NCK2: variants seen among roughly 807,000 people sequenced by gnomAD.
The protein encoded by NCK2 is cytoplasmic protein NCK2.
Under a neutral mutation model 33.9 loss-of-function variants are expected in NCK2, and 16 were observed. That is an observed-to-expected ratio of 0.47 (90% CI 0.32 to 0.72). The LOEUF (loss-of-function observed/expected upper bound fraction) is 0.72. NCK2 is among the 30% of genes least tolerant of loss of function. The pLI is 0.03. For synonymous variants in NCK2, 273 were observed against 239.9 expected (o/e 1.14, Z -1.27); for missense variants, 418 against 537.3 (o/e 0.78, Z 2.19).
intron 1 of NCK2, among the ~76,000 whole-genome samples, chr2:105,810,077 C>T (rs901122109): frequency 1.3e-5 from 2 of 152,178 alleles, no homozygotes; most frequent in Admixed American, 6.5e-5. Flanking sequence ...CACATCCCCA[C>T]TCTTCATTCC....
At chr2:105,833,477 G>A (rs1390670496) in intron 2 of NCK2, among the ~76,000 whole-genome samples, 1 of 151,804 alleles carries the variant, frequency 6.6e-6, no homozygotes, top group Non-Finnish European at 1.5e-5. Flanking sequence ...CTAAGTTATT[G>A]GTGTATCATT....
In NCK2 at chr2:105,783,000, A is replaced by G. The variant is rs559536136; in HGVS notation, c.-200-33430A>G. 3.3e-5 allele frequency among the ~76,000 whole-genome samples: 5 copies of G among 152,298 alleles called. No individual in the cohort carries two copies. In the South Asian group the frequency reaches 6.2e-4, roughly 19 times the overall value. On this transcript the variant is annotated intron_variant, in intron 1 of 4. Transcript: ENST00000233154. ...CCATTTGCAGCTGAGTTGGTCGACT[A>G]TCATTTGCAACAGGTAAGCCTTAAG...
chr2:105,831,407 T>C (rs574078536), intron 2 of NCK2, among the ~76,000 whole-genome samples: 90 of 109,946 alleles, frequency 8.2e-4, no homozygotes, highest in African/African-American at 2.5e-3. Flanking sequence ...ATAAGCATGA[T>C]ATCTTTTTTT....
At chr2:105,748,197 C>T (rs1689351331) in intron 1 of NCK2, among the ~76,000 whole-genome samples, 2 of 152,132 alleles carry the variant, frequency 1.3e-5, no homozygotes, top group Admixed American at 6.5e-5. Context: ...CCTCTGTGTT[C>T]CCTCTCAACT....
intron 1 of NCK2, among the ~76,000 whole-genome samples, chr2:105,775,668 A>G (rs1404755243): frequency 1.3e-5 from 2 of 152,142 alleles, no homozygotes; most frequent in African/African-American, 2.4e-5. Flanking sequence ...GCTAATTACA[A>G]CTGTTTGAAA....
chr2:105,788,361 A>G (rs1690754519), intron 1 of NCK2, among the ~76,000 whole-genome samples: 1 of 152,172 alleles, frequency 6.6e-6, no homozygotes, highest in Admixed American at 6.5e-5. Flanking sequence ...CTCCATTTCT[A>G]TCAACGCCAT....
intron 2 of NCK2, chr2:105,846,634 T>TA (rs1028460496): frequency 3.3e-5 from 5 of 152,200 alleles, no homozygotes; most frequent in African/African-American, 1.2e-4. Flanking sequence ...ATGTATACGT[T>TA]ACACCCAATA....
chr2:105,786,806 C>T (rs1443342016), intron 1 of NCK2, among the ~76,000 whole-genome samples: 1 of 152,176 alleles, frequency 6.6e-6, no homozygotes, highest in Non-Finnish European at 1.5e-5. Flanking sequence ...GGGTTTGTTC[C>T]CCTCTGCCTC....
At chr2:105,869,068 C>T (rs1248872297) in intron 3 of NCK2, among the ~76,000 whole-genome samples, 1 of 152,196 alleles carries the variant, frequency 6.6e-6, no homozygotes, top group African/African-American at 2.4e-5. Context: ...GCCCCGCTGC[C>T]CACCCTTACC....
At chr2:105,759,883 A>C (rs1573559408) in intron 1 of NCK2, among the ~76,000 whole-genome samples, 1 of 152,130 alleles carries the variant, frequency 6.6e-6, no homozygotes, top group East Asian at 1.9e-4. Context: ...ATTAGTGTAG[A>C]GTTACCGGTT....
chr2:105,772,985 G>A (rs1167277141), intron 1 of NCK2, among the ~76,000 whole-genome samples: 2 of 150,442 alleles, frequency 1.3e-5, no homozygotes, highest in African/African-American at 4.9e-5. Flanking sequence ...TTGAACTCCT[G>A]GATTCAAGCA....
intron 2 of NCK2, among the ~76,000 whole-genome samples, chr2:105,838,699 G>C (rs948093905): frequency 1.3e-5 from 2 of 152,172 alleles, no homozygotes; most frequent in African/African-American, 4.8e-5. Context: ...TAGTTTGTAG[G>C]CATCTTGTAT....
chr2:105,772,643 A>C (rs1352618697), intron 1 of NCK2, among the ~76,000 whole-genome samples: 1 of 152,114 alleles, frequency 6.6e-6, no homozygotes, highest in African/African-American at 2.4e-5. Context: ...ACATGGGAAT[A>C]AGTCAATGAC....
At chr2:105,802,705 A>G (rs1297064009) in intron 1 of NCK2, among the ~76,000 whole-genome samples, 1 of 152,178 alleles carries the variant, frequency 6.6e-6, no homozygotes, top group Non-Finnish European at 1.5e-5. Context: ...CGATGCAGAC[A>G]CCTCCCTTAA....
Position 105,881,878 on chromosome 2 carries a change from T to C in NCK2, c.777T>C (p.Pro259=). The stretch of plus-strand genomic sequence containing the variant: ...ACGTGGTGGTCCTCAGTGACGGGCC[T>C]GCCCTGCACCCTGCGCACGCCCCAC... ...KNYVVVLSDG[P]ALHPAHAPQI... Residue 259 remains proline (P), a synonymous_variant, in exon 4 of 5, where the codon CCT becomes CCC. Coordinates refer to ENST00000233154, the MANE Select transcript of NCK2 (RefSeq NM_003581.5). The C allele has an allele frequency of 1.3e-6, 2 of 1,569,240 alleles. No individual in the cohort carries two copies. Among genetic ancestry groups the C allele is most frequent in the South Asian group, 2.4e-5 (2 of 83,956 alleles).
At chr2:105,880,656 G>T (rs745711187) in intron 3 of NCK2, among the ~76,000 whole-genome samples, 2 of 152,154 alleles carry the variant, frequency 1.3e-5, no homozygotes, top group Non-Finnish European at 2.9e-5. Flanking sequence ...TTCTAGGAAT[G>T]AAAAAGATAT....
chr2:105,891,728 G>A (rs1678995915), intron 4 of NCK2, among the ~76,000 whole-genome samples: 1 of 151,586 alleles, frequency 6.6e-6, no homozygotes, highest in Admixed American at 6.6e-5. Flanking sequence ...GTATTTTTTA[G>A]CAGAGATGAG....
chr2:105,777,171 C>T (rs747100896), intron 1 of NCK2, among the ~76,000 whole-genome samples: 82 of 152,082 alleles, frequency 5.4e-4, no homozygotes, highest in Non-Finnish European at 9.3e-4. Context: ...GGCACTCCAC[C>T]GATGGCAGCT....
Position 105,881,781 on chromosome 2 carries a change from A to T in NCK2, c.680A>T (p.Lys227Met). The T allele has an allele frequency of 6.2e-7, 1 of 1,614,034 alleles. No individual in the cohort carries two copies. Among genetic ancestry groups the T allele is most frequent in the Non-Finnish European group, 8.5e-7 (1 of 1,179,944 alleles). The stretch of plus-strand genomic sequence containing the variant: ...GGGGAGACCATGGAGGTGATTGAGA[A>T]GCCGGAGAACGACCCCGAGTGGTGG... ...EKGETMEVIE[K>M]PENDPEWWKC... The change falls in exon 4 of 5, where the codon AAG (lysine) becomes ATG (methionine). Residue 227 changes from lysine to methionine, a missense_variant. By Grantham distance (95) the Lys-to-Met change is moderately conservative. Coordinates refer to ENST00000233154, the MANE Select transcript of NCK2 (RefSeq NM_003581.5).
Sources: allele counts gnomAD v4.1 joint callset (sites outside exome capture counted in the v4.1 genomes callset), GRCh38; gene constraint gnomAD v4.1.1; transcripts MANE v1.5; gene names NCBI Gene and HGNC (gene_info 2026-07-23, HGNC 2026-07-21).